The following SH3KBP1 variants were observed in gnomAD, a reference collection of about 807,000 sequenced individuals.
The protein encoded by SH3KBP1 is SH3 domain-containing kinase-binding protein 1.
SH3KBP1 carries 8 observed loss-of-function variants against 50.1 expected under a neutral mutation model. The observed-to-expected ratio is 0.16, with a 90% CI of 0.09 to 0.29. The LOEUF (loss-of-function observed/expected upper bound fraction) is 0.29, where lower values mean the gene tolerates loss of function less well. Among genes scored for constraint, SH3KBP1 ranks in the 10% least tolerant of loss-of-function variants. The pLI, the probability that SH3KBP1 is intolerant of heterozygous loss-of-function variation, is 1.00. For missense variants in SH3KBP1, 377 were observed against 535.2 expected, an observed-to-expected ratio of 0.70 and a Z score of 2.92; for synonymous variants, 227 against 218.6, an observed-to-expected ratio of 1.04 and a Z score of -0.34.
chrX:19,621,073 CTTT>C (rs1186690221), intron 8 of SH3KBP1, among the ~76,000 whole-genome samples: 4 of 32,673 alleles, frequency 1.2e-4, no homozygotes, highest in African/African-American at 3.3e-4. Context: ...TCTTTTCTTT[CTTT>C]TTTTTTTTTT....
At chrX:19,703,103 G>C (rs1345989823) in intron 4 of SH3KBP1, among the ~76,000 whole-genome samples, 2 of 111,954 alleles carry the variant, frequency 1.8e-5, no homozygotes, top group Non-Finnish European at 3.8e-5. Context: ...CCACGCTTTG[G>C]AGGCTGGCTC....
intron 2 of SH3KBP1, among the ~76,000 whole-genome samples, chrX:19,760,312 G>A (rs780966742): frequency 6.4e-5 from 7 of 109,410 alleles, no homozygotes; most frequent in Admixed American, 9.8e-5. Context: ...GCATGAACAC[G>A]GGAGACAGAG....
At chrX:19,822,429 CCT>C (rs1164548941) in intron 2 of SH3KBP1, among the ~76,000 whole-genome samples, 1 of 111,835 alleles carries the variant, frequency 8.9e-6, no homozygotes. Context: ...CTGATTCTTT[CCT>C]CTGTCATCTA....
intron 2 of SH3KBP1, among the ~76,000 whole-genome samples, chrX:19,813,261 G>A (rs1348665970): frequency 9.0e-6 from 1 of 111,319 alleles, no homozygotes; most frequent in Admixed American, 9.5e-5. Context: ...TCTCGCTGAG[G>A]AGCCAACAGC....
intron 1 of SH3KBP1, among the ~76,000 whole-genome samples, chrX:19,878,360 G>A (rs1427206734): frequency 9.7e-6 from 1 of 102,739 alleles, no homozygotes; most frequent in Non-Finnish European, 2.0e-5. Flanking sequence ...CTGGAGTGCA[G>A]TGGTGCGATG....
intron 8 of SH3KBP1, among the ~76,000 whole-genome samples, chrX:19,614,959 C>A (rs895444801): frequency 8.9e-6 from 1 of 112,116 alleles, no homozygotes; most frequent in Non-Finnish European, 1.9e-5. Flanking sequence ...ATGACCCAAT[C>A]TTCCTCCAGA....
intron 3 of SH3KBP1, among the ~76,000 whole-genome samples, chrX:19,725,815 G>T (rs923700313): frequency 8.9e-6 from 1 of 112,532 alleles, no homozygotes; most frequent in African/African-American, 3.2e-5. Context: ...CTCCAGGAGA[G>T]GCAGGGCACA....
chrX:19,683,568 A>C (rs2063105688), intron 6 of SH3KBP1, among the ~76,000 whole-genome samples: 1 of 111,275 alleles, frequency 9.0e-6, no homozygotes, highest in Non-Finnish European at 1.9e-5. Context: ...GTACTGGTCC[A>C]TTTCCAAAGT....
intron 2 of SH3KBP1, among the ~76,000 whole-genome samples, chrX:19,830,712 T>C (rs1394022718): frequency 9.1e-6 from 1 of 109,465 alleles, no homozygotes; most frequent in African/African-American, 3.3e-5. Flanking sequence ...CAGTAAGCCG[T>C]GATCACGCCA....
intron 13 of SH3KBP1, among the ~76,000 whole-genome samples, chrX:19,563,934 G>A (rs1436020255): frequency 1.8e-5 from 2 of 111,058 alleles, no homozygotes; most frequent in African/African-American, 3.3e-5. Flanking sequence ...TCACACACAC[G>A]CTCAGCCAGT....
At chrX:19,720,399 T>C (rs949674013) in intron 3 of SH3KBP1, among the ~76,000 whole-genome samples, 1 of 111,400 alleles carries the variant, frequency 9.0e-6, no homozygotes, top group Non-Finnish European at 1.9e-5. Flanking sequence ...GAAAATCCAA[T>C]ACGTAAAGCA....
intron 17 of SH3KBP1, 67 bp from the exon 18 acceptor site, chrX:19,536,525 G>T: frequency 1.4e-6 from 1 of 711,508 alleles, no homozygotes; most frequent in Non-Finnish European, 2.1e-6. Context: ...GAAGCTGAAA[G>T]ATTATCAACC....
chrX:19,639,796 T>A (rs1048841101), intron 7 of SH3KBP1, among the ~76,000 whole-genome samples: 2 of 108,863 alleles, frequency 1.8e-5, no homozygotes, highest in Non-Finnish European at 3.8e-5. Flanking sequence ...CAAGAATGAG[T>A]GAGTTTGGGG....
At position 19,573,959 on chromosome X, in the gene SH3KBP1, G is replaced by A. The variant is rs186246482; in HGVS notation, c.1299-4771C>T. Among the ~76,000 whole-genome samples, 743 of 111,394 alleles carry A rather than the reference G, an allele frequency of 6.7e-3. 14 individuals are homozygous for A. Among genetic ancestry groups the A allele is most frequent in the Admixed American group, 0.064 (674 of 10,470 alleles). ...TTCAACAGGATCACCTCCGAGAGGCGTTCTATCTAGAGCTCCTGTTCCATA... is the reference window on the plus strand; with the variant it reads ...TTCAACAGGATCACCTCCGAGAGGCATTCTATCTAGAGCTCCTGTTCCATA... On this transcript the variant is annotated intron_variant, in intron 12 of 17. Transcript: ENST00000397821.
intron 1 of SH3KBP1, among the ~76,000 whole-genome samples, chrX:19,877,432 G>C (rs934801444): frequency 8.9e-6 from 1 of 111,982 alleles, no homozygotes; most frequent in African/African-American, 3.3e-5. Flanking sequence ...GCCTTTCCCA[G>C]TCTTCATCCA....
intron 2 of SH3KBP1, among the ~76,000 whole-genome samples, chrX:19,791,572 G>T (rs2147178434): frequency 9.3e-6 from 1 of 107,290 alleles, no homozygotes; most frequent in South Asian, 4.0e-4. Flanking sequence ...GGGGAGTAAA[G>T]TAGGAAACTT....
At chrX:19,786,593 C>A (rs1385020258) in intron 2 of SH3KBP1, among the ~76,000 whole-genome samples, 1 of 112,116 alleles carries the variant, frequency 8.9e-6, no homozygotes, top group Non-Finnish European at 1.9e-5. Context: ...TGACCAAATA[C>A]TATTGTCTTC....
intron 2 of SH3KBP1, among the ~76,000 whole-genome samples, chrX:19,781,030 G>C (rs2066161404): frequency 8.9e-6 from 1 of 112,319 alleles, no homozygotes; most frequent in Non-Finnish European, 1.9e-5. Flanking sequence ...GGCAAAAAAA[G>C]ATGGGAAACA....
intron 5 of SH3KBP1, among the ~76,000 whole-genome samples, chrX:19,693,562 T>A (rs765477693): frequency 2.7e-5 from 3 of 111,520 alleles, no homozygotes; most frequent in African/African-American, 9.8e-5. Flanking sequence ...GCTCTCCTGG[T>A]CTTGAAATGG....
Sources: allele counts gnomAD v4.1 joint callset (sites outside exome capture counted in the v4.1 genomes callset), GRCh38; gene constraint gnomAD v4.1.1; transcripts MANE v1.5; gene names NCBI Gene and HGNC (gene_info 2026-07-23, HGNC 2026-07-21).